NPHP4: variants seen among roughly 807,000 people sequenced by gnomAD.
NPHP4 encodes nephrocystin 4, also known as nephrocystin-4.
NPHP4 carries 151 observed loss-of-function variants against 155.8 expected under a neutral mutation model. The ratio of observed to expected loss-of-function variants is 0.97; its 90% CI spans 0.85 to 1.11. NPHP4 has a LOEUF of 1.11. Ranked by LOEUF, NPHP4 falls within the 50% of genes least tolerant of loss-of-function variation. The pLI, the probability that NPHP4 is intolerant of heterozygous loss-of-function variation, is 0.00. For missense variants in NPHP4, 1,956 were observed against 1,925.7 expected (o/e 1.02, Z -0.29); for synonymous variants, 845 against 816.8 (o/e 1.03, Z -0.59).
At chr1:5,932,612 T>C (rs920647900) in intron 10 of NPHP4, among the ~76,000 whole-genome samples, 2 of 151,770 alleles carry the variant, frequency 1.3e-5, no homozygotes, top group Admixed American at 6.6e-5. Context: ...TCGCTCTACT[T>C]GTTTTTGCCG....
intron 6 of NPHP4, among the ~76,000 whole-genome samples, chr1:5,953,250 T>G (rs1201208683): frequency 6.6e-6 from 1 of 152,082 alleles, no homozygotes; most frequent in Non-Finnish European, 1.5e-5. Flanking sequence ...CGATTACAGG[T>G]GACTACCATG....
At chr1:5,975,894 C>T (rs1653471335) in intron 3 of NPHP4, among the ~76,000 whole-genome samples, 1 of 152,180 alleles carries the variant, frequency 6.6e-6, no homozygotes, top group Non-Finnish European at 1.5e-5. Flanking sequence ...CAGGATTCTA[C>T]AGCCCAGAGA....
intron 17 of NPHP4, chr1:5,888,232 G>A (rs1054564182): frequency 4.3e-5 from 28 of 647,514 alleles, no homozygotes; most frequent in Non-Finnish European, 5.2e-5. Flanking sequence ...CAGATTCCAC[G>A]GCTCAGCACT....
At chr1:5,924,048 C>T (rs997103883) in intron 11 of NPHP4, among the ~76,000 whole-genome samples, 1 of 152,184 alleles carries the variant, frequency 6.6e-6, no homozygotes, top group Non-Finnish European at 1.5e-5. Context: ...AAGAATAAAA[C>T]AAGCCCAGAC....
chr1:5,910,069 T>C lies in NPHP4; in HGVS notation c.1442-856A>G, dbSNP rs1645104927. 6.6e-6 allele frequency among the ~76,000 whole-genome samples: 1 copy of C among 152,228 alleles called. No homozygotes were observed. The highest frequency in any genetic ancestry group is 6.5e-5 in the Admixed American group (1 of 15,290). On this transcript the variant is annotated intron_variant, in intron 11 of 29. Transcript: ENST00000378156. This position sits in a 1 kb window ranked among gnomAD's most constrained non-coding sequence, Gnocchi z 5.4. ...CACCAGGCTCCTGCCACAGCGGTGC[T>C]GGAGCGTCCATAGCCACTCGTCTCT...
At chr1:5,955,386 T>C (rs761192260) in intron 6 of NPHP4, among the ~76,000 whole-genome samples, 16 of 152,382 alleles carry the variant, frequency 1.0e-4, no homozygotes, top group Non-Finnish European at 1.6e-4. Context: ...ACTGAGTATA[T>C]AATATCCAAA....
At chr1:5,923,127 A>T (rs1199485143) in intron 11 of NPHP4, among the ~76,000 whole-genome samples, 1 of 152,210 alleles carries the variant, frequency 6.6e-6, no homozygotes, top group Non-Finnish European at 1.5e-5. Flanking sequence ...CAGCATGGTG[A>T]GTGAATCACA....
chr1:5,933,754 A>C (rs1205858610), intron 9 of NPHP4, among the ~76,000 whole-genome samples: 2 of 152,254 alleles, frequency 1.3e-5, no homozygotes, highest in Admixed American at 1.3e-4. Flanking sequence ...TGAATTCCTA[A>C]TCAGAAATTT....
intron 6 of NPHP4, among the ~76,000 whole-genome samples, chr1:5,959,538 T>C (rs1274873509): frequency 6.6e-6 from 1 of 152,152 alleles, no homozygotes; most frequent in Non-Finnish European, 1.5e-5. Flanking sequence ...TCCAGTGACC[T>C]GCAGGTAATT....
Position 5,990,603 on chromosome 1 carries a change from G to C in NPHP4, c.-39+1641C>G, listed in dbSNP as rs140320318. ...AGATGAGAACACTGAGACTCAGAAA[G>C]GATAAACAGCCAATCCAAGGTCACA... is the stretch of plus-strand genomic sequence containing the variant. On this transcript the variant is annotated intron_variant, in intron 1 of 29. Transcript: ENST00000378156. Among the ~76,000 whole-genome samples, 847 of 152,198 alleles carry C rather than the reference G, an allele frequency of 5.6e-3. 9 individuals carry two copies. Among genetic ancestry groups the C allele is most frequent in the African/African-American group, 0.019 (770 of 41,496 alleles).
At chr1:5,887,231 T>A in intron 18 of NPHP4, 55 bp downstream of exon 18, 1 of 1,527,818 alleles carries the variant, frequency 6.5e-7, no homozygotes, top group Non-Finnish European at 8.9e-7. Flanking sequence ...GCCCACACTC[T>A]ACCAGAGGGG....
At chr1:5,877,621 G>A (rs746227945) in intron 19 of NPHP4, among the ~76,000 whole-genome samples, 6 of 152,324 alleles carry the variant, frequency 3.9e-5, no homozygotes, top group Non-Finnish European at 5.9e-5. Context: ...CCATGCTCTC[G>A]GGATCTTAAA....
In NPHP4 at chr1:5,865,307, CG is replaced by C. The variant is rs896753408; in HGVS notation, c.3645-35del. On this transcript the variant is annotated intron_variant, in intron 26 of 29. Transcript: ENST00000378156. Reference sequence around the variant, plus strand: ...GGATGGGAGCCATCTGCACTTGTCCCGGAGGACTCAGCACCGGCCCACGAGA... The same window carrying C: ...GGATGGGAGCCATCTGCACTTGTCCCGAGGACTCAGCACCGGCCCACGAGA... 4 of 1,494,122 alleles carry C rather than the reference CG, an allele frequency of 2.7e-6. No homozygotes were observed. The African/African-American group carries it at 4.1e-5, about 15-fold the overall frequency. The allele number at this position is 1,494,122 out of a possible 1,614,324, so 92.6% of individuals were successfully genotyped here. A position where few individuals can be genotyped will look rare whatever the true frequency, so the allele number is the denominator to read the frequency against.
At chr1:5,887,949 C>T (rs375046600) in intron 17 of NPHP4, among the ~76,000 whole-genome samples, 2 of 152,114 alleles carry the variant, frequency 1.3e-5, no homozygotes, top group East Asian at 1.9e-4. Context: ...CAGAGAAGGC[C>T]GGGGAGGCAG....
Position 5,905,574 on chromosome 1 carries a change from C to A in NPHP4, c.1763+58G>T. Reference sequence around the variant, plus strand: ...TGGAAACCCTGGGGTTCACAAGGTCCAACAGTCTGACGGCACAGCACGTGA... The same window carrying A: ...TGGAAACCCTGGGGTTCACAAGGTCAAACAGTCTGACGGCACAGCACGTGA... On this transcript the variant is annotated intron_variant, in intron 14 of 29. Coordinates refer to ENST00000378156, the MANE Select transcript of NPHP4 (RefSeq NM_015102.5). The surrounding 1 kb of genome is among the most constrained non-coding windows in gnomAD (Gnocchi z 4.0). 1 of 1,608,776 alleles carries A rather than the reference C, an allele frequency of 6.2e-7. No homozygotes were observed.
chr1:5,880,016 C>T (rs369459322), intron 19 of NPHP4, 98 bp downstream of exon 19: 1 of 1,366,032 alleles, frequency 7.3e-7, no homozygotes, highest in Non-Finnish European at 1.0e-6. Flanking sequence ...CACACACACA[C>T]ATGCACACAC....
chr1:5,893,585 C>T (rs1644249940), intron 16 of NPHP4, among the ~76,000 whole-genome samples: 1 of 152,208 alleles, frequency 6.6e-6, no homozygotes, highest in Admixed American at 6.5e-5. Context: ...CAGGATGGAA[C>T]ATGAAGGCGG....
intron 23 of NPHP4, among the ~76,000 whole-genome samples, chr1:5,871,946 T>C (rs1454910152): frequency 6.6e-6 from 1 of 152,230 alleles, no homozygotes; most frequent in Non-Finnish European, 1.5e-5. Context: ...ACTAACACAG[T>C]GTCTAGGATT....
At chr1:5,878,449 G>A (rs1364076238) in intron 19 of NPHP4, among the ~76,000 whole-genome samples, 5 of 152,230 alleles carry the variant, frequency 3.3e-5, no homozygotes. Flanking sequence ...GGTTTATCAT[G>A]AGCTCAAGTT....
Sources: gnomAD v4.1 joint callset for allele counts (sites outside exome capture counted in the v4.1 genomes callset) on GRCh38, gnomAD v4.1.1 for gene constraint, Gnocchi (gnomAD v3.1) non-coding constraint, MANE v1.5 for transcripts, NCBI Gene and HGNC (gene_info 2026-07-23, HGNC 2026-07-21) for gene names.